Variants in REPS2 observed in about 807,000 individuals in gnomAD.
REPS2 encodes ralBP1-associated Eps domain-containing protein 2.
REPS2 carries 23 observed loss-of-function variants against 53.6 expected under a neutral mutation model. The observed-to-expected ratio is 0.43, with a 90% CI of 0.31 to 0.61. The LOEUF is 0.61. Among genes scored for constraint, REPS2 ranks in the 20% least tolerant of loss-of-function variants. REPS2 has a pLI of 0.11. For missense variants in REPS2, 446 were observed against 534.9 expected, an observed-to-expected ratio of 0.83 and a Z score of 1.64; for synonymous variants, 238 against 218.6, an observed-to-expected ratio of 1.09 and a Z score of -0.78.
In REPS2 at chrX:16,946,762, C is replaced by T. The variant is rs1259837353; in HGVS notation, c.-100C>T. On this transcript the variant is annotated 5_prime_UTR_variant, in exon 1 of 18. Transcript: ENST00000357277. ...GTGGCGGCGGCGGTGGTGGCGGCGG[C>T]GGCGGCGGCGGCAGCTGAGGCCGAG... 63 of 750,443 alleles carry T rather than the reference C, an allele frequency of 8.4e-5. No homozygotes were observed. Among genetic ancestry groups the T allele is most frequent in the Non-Finnish European group, 9.7e-5 (62 of 639,787 alleles). 61.8% of individuals were successfully genotyped at this position (750,443 alleles called of 1,213,427 possible).
chrX:17,013,930 A>G (rs2061459432), intron 2 of REPS2, among the ~76,000 whole-genome samples: 1 of 111,006 alleles, frequency 9.0e-6, no homozygotes, highest in Non-Finnish European at 1.9e-5. Flanking sequence ...CCTCTACCCC[A>G]TAGCGCTGTC....
At chrX:17,017,257 C>T (rs1481780686) in intron 2 of REPS2, among the ~76,000 whole-genome samples, 1 of 112,208 alleles carries the variant, frequency 8.9e-6, no homozygotes. Flanking sequence ...CAGGTGTGAG[C>T]TACTGCTCCT....
chrX:17,101,459 A>G (rs2062801709), intron 13 of REPS2, among the ~76,000 whole-genome samples: 1 of 111,403 alleles, frequency 9.0e-6, no homozygotes, highest in African/African-American at 3.3e-5. Flanking sequence ...AGAAATTAAA[A>G]CAATTCCATA....
chrX:16,949,484 T>C (rs1281508433), intron 1 of REPS2, among the ~76,000 whole-genome samples: 1 of 112,557 alleles, frequency 8.9e-6, no homozygotes, highest in Non-Finnish European at 1.9e-5. Context: ...CTTGGCTCAC[T>C]GCAACCTCTG....
At chrX:17,077,180 C>T in intron 12 of REPS2, 91 bp from the exon 13 acceptor site, 1 of 998,587 alleles carries the variant, frequency 1.0e-6, no homozygotes, top group Non-Finnish European at 1.3e-6. Context: ...TTTGTAGTCA[C>T]TTTGACTTCG....
At chrX:17,141,454 C>T (rs1363875181) in intron 17 of REPS2, among the ~76,000 whole-genome samples, 7 of 111,922 alleles carry the variant, frequency 6.3e-5, no homozygotes, top group East Asian at 5.6e-4. Flanking sequence ...GACACCTGAG[C>T]GGTTTCCAGT....
At chrX:17,011,681 C>T (rs1283874006) in intron 2 of REPS2, among the ~76,000 whole-genome samples, 2 of 111,874 alleles carry the variant, frequency 1.8e-5, no homozygotes, top group South Asian at 3.7e-4. Context: ...TTTGGGAGGC[C>T]GAGGTGGGCG....
At chrX:17,146,111 A>G (rs75550582) in intron 17 of REPS2, among the ~76,000 whole-genome samples, 1 of 92,680 alleles carries the variant, frequency 1.1e-5, no homozygotes, top group African/African-American at 4.7e-5. Context: ...TCTGTCTCAG[A>G]AAAAAAAAAA....
intron 11 of REPS2, among the ~76,000 whole-genome samples, chrX:17,073,694 T>A (rs755413250): frequency 1.9e-5 from 2 of 107,901 alleles, no homozygotes; most frequent in East Asian, 5.8e-4. Context: ...TTAAAACGTG[T>A]AGTTAGATAG....
chrX:17,056,028 A>T (rs1469606621), intron 8 of REPS2, among the ~76,000 whole-genome samples: 2 of 111,765 alleles, frequency 1.8e-5, no homozygotes, highest in Non-Finnish European at 3.8e-5. Flanking sequence ...ACAAAAAAAA[A>T]AAACAAAAAA....
At position 16,985,007 on chromosome X, in the gene REPS2, A is replaced by G. The variant is rs113388954; in HGVS notation, c.274-21214A>G. Among the ~76,000 whole-genome samples, 564 of 111,641 alleles carry G rather than the reference A, an allele frequency of 5.1e-3. 4 individuals are homozygous for G. The highest frequency in any genetic ancestry group is 0.018 in the African/African-American group (542 of 30,731). On this transcript the variant is annotated intron_variant, in intron 1 of 17. Coordinates refer to ENST00000357277, the MANE Select transcript of REPS2 (RefSeq NM_004726.3). ...GAGCCCTTCATTTTTTCATTCAGCT[A>G]TTGCTGGGAGGCATCCCCTTCCAGT...
chrX:17,022,287 A>G lies in REPS2; in HGVS notation c.546+16A>G. 1 of 1,194,666 alleles carries G rather than the reference A, an allele frequency of 8.4e-7. No homozygotes were observed. Among genetic ancestry groups the G allele is most frequent in the Non-Finnish European group, 1.1e-6 (1 of 884,065 alleles). On this transcript the variant is annotated intron_variant, in intron 3 of 17. Coordinates refer to ENST00000357277, the MANE Select transcript of REPS2 (RefSeq NM_004726.3). ...GGATAAACAGGTAAACAGTTTGTTCAGATGTGTTCATTTGATTCTGACCAT... is the reference window on the plus strand; with the variant it reads ...GGATAAACAGGTAAACAGTTTGTTCGGATGTGTTCATTTGATTCTGACCAT...
chrX:17,128,875 T>A (rs564209608), intron 14 of REPS2, among the ~76,000 whole-genome samples: 1 of 112,582 alleles, frequency 8.9e-6, no homozygotes, highest in Admixed American at 9.4e-5. Flanking sequence ...TACAATATTA[T>A]ATATTTTTAA....
chrX:17,064,148 C>CA (rs2062196740), intron 9 of REPS2, among the ~76,000 whole-genome samples: 1 of 105,775 alleles, frequency 9.5e-6, no homozygotes, highest in African/African-American at 3.5e-5. Flanking sequence ...AAAACAACAA[C>CA]AAAAAATCCC....
At chrX:17,124,732 G>T (rs945345598) in intron 14 of REPS2, among the ~76,000 whole-genome samples, 1 of 110,254 alleles carries the variant, frequency 9.1e-6, no homozygotes, top group Admixed American at 9.7e-5. Flanking sequence ...CCCATTCTTG[G>T]AATCCACCTG....
At chrX:16,963,470 G>A in intron 1 of REPS2, among the ~76,000 whole-genome samples, 1 of 112,756 alleles carries the variant, frequency 8.9e-6, no homozygotes. Flanking sequence ...TTGGGTGAAT[G>A]TATAGCAGGC....
rs58530978 is a variant in REPS2, at chrX:17,093,166, C to CTATATATA, written c.1517-10525_1517-10518dup. On this transcript the variant is annotated intron_variant, in intron 13 of 17. Transcript: ENST00000357277. ...ACAAGGAAAAATGCATGAGTTAATGCTATATATATATATATATATATATAT... is the reference window on the plus strand; with the variant it reads ...ACAAGGAAAAATGCATGAGTTAATGCTATATATATATATATATATATATATATATATAT... 2.2e-3 allele frequency among the ~76,000 whole-genome samples: 87 copies of CTATATATA among 39,094 alleles called. 4 individuals are homozygous for CTATATATA. Among genetic ancestry groups the CTATATATA allele is most frequent in the Non-Finnish European group, 2.7e-3 (57 of 21,431 alleles). The allele number at this position is 39,094 out of a possible 115,157, so 33.9% of individuals were successfully genotyped here.
At chrX:16,987,061 C>T (rs1386373687) in intron 1 of REPS2, among the ~76,000 whole-genome samples, 1 of 109,173 alleles carries the variant, frequency 9.2e-6, no homozygotes, top group African/African-American at 3.3e-5. Context: ...GGGGACAAGC[C>T]ACCACACCCA....
chrX:17,190,323 G>A, the REPS2 span, among the ~76,000 whole-genome samples: 8 of 112,104 alleles, frequency 7.1e-5, no homozygotes, highest in East Asian at 5.6e-4. Context: ...AAAATTTACC[G>A]TATTTCTATA....
Sources: allele counts gnomAD v4.1 joint callset (sites outside exome capture counted in the v4.1 genomes callset), GRCh38; gene constraint gnomAD v4.1.1; transcripts MANE v1.5; gene names NCBI Gene and HGNC (gene_info 2026-07-23, HGNC 2026-07-21).